The following WDR1 variants were observed in gnomAD, a reference collection of about 807,000 sequenced individuals.
WDR1 encodes WD repeat domain 1, also known as WD repeat-containing protein 1.
A neutral mutation model predicts 71.9 loss-of-function variants in WDR1; 21 were observed. The observed-to-expected ratio is 0.29, with a 90% CI of 0.21 to 0.42. The LOEUF (loss-of-function observed/expected upper bound fraction) is 0.42, where lower values mean the gene tolerates loss of function less well. WDR1 is among the 10% of genes least tolerant of loss of function. The pLI, the probability that WDR1 is intolerant of heterozygous loss-of-function variation, is 1.00. For synonymous variants in WDR1, 424 were observed against 347.4 expected, an observed-to-expected ratio of 1.22 and a Z score of -2.45; for missense variants, 696 against 824.5, an observed-to-expected ratio of 0.84 and a Z score of 1.91.
chr4:10,093,813 G>C (rs1391228642), intron 5 of WDR1, among the ~76,000 whole-genome samples: 24 of 152,250 alleles, frequency 1.6e-4, no homozygotes, highest in Admixed American at 1.3e-3. Flanking sequence ...GCATGGCCCA[G>C]GCAGCCACCA....
chr4:10,088,248 C>T lies in WDR1; in HGVS notation c.717+45G>A, dbSNP rs1182837827. 5.2e-6 allele frequency: 8 copies of T among 1,527,670 alleles called. No homozygotes were observed. In the South Asian group the frequency reaches 6.0e-5, roughly 11 times the overall value. 94.6% of individuals were successfully genotyped at this position (1,527,670 alleles called of 1,614,324 possible). Reference sequence around the variant, plus strand: ...GTGTGGATGGACTGACACGTGGACTCGGCCAAATTCCCACCACTAGGCCGG... The same window carrying T: ...GTGTGGATGGACTGACACGTGGACTTGGCCAAATTCCCACCACTAGGCCGG... On this transcript the variant is annotated intron_variant, in intron 7 of 14. Transcript: ENST00000499869.
intron 3 of WDR1, among the ~76,000 whole-genome samples, chr4:10,099,537 G>A (rs899506802): frequency 2.6e-5 from 4 of 152,364 alleles, no homozygotes; most frequent in African/African-American, 7.2e-5. Flanking sequence ...TCAGAATGAC[G>A]TGTGGGCCTC....
chr4:10,081,266 G>C (rs889670274), intron 11 of WDR1, 91 bp downstream of exon 11: 1 of 1,271,594 alleles, frequency 7.9e-7, no homozygotes, highest in Non-Finnish European at 1.1e-6. Context: ...ACACTGGCTA[G>C]AGCAACTGTC....
At chr4:10,091,359 G>A (rs1445711983) in intron 5 of WDR1, among the ~76,000 whole-genome samples, 1 of 152,196 alleles carries the variant, frequency 6.6e-6, no homozygotes, top group Non-Finnish European at 1.5e-5. Flanking sequence ...TCCCCAGAAG[G>A]CCCGATCCAC....
chr4:10,074,611 CAG>C lies in WDR1; in HGVS notation c.*765_*766del, dbSNP rs897362843. 37 of 152,720 alleles carry C rather than the reference CAG, an allele frequency of 2.4e-4. No individual in the cohort carries two copies. The highest frequency in any genetic ancestry group is 7.9e-4 in the African/African-American group (33 of 41,552). The allele number at this position is 152,720 out of a possible 1,614,324, so 9.5% of individuals were successfully genotyped here. On this transcript the variant is annotated 3_prime_UTR_variant, in exon 15 of 15. Coordinates refer to ENST00000499869, the MANE Select transcript of WDR1 (RefSeq NM_017491.5). ...CTCTTGAGAGCAGAAGAGGGAAAGA[CAG>C]GGGAACATCAAAGCATGATGGTGAA...
intron 14 of WDR1, 61 bp from the exon 15 acceptor site, chr4:10,075,545 G>A: frequency 1.4e-6 from 2 of 1,478,974 alleles, no homozygotes; most frequent in Non-Finnish European, 1.9e-6. Context: ...TGTACATCTT[G>A]GACTAGGAAG....
chr4:10,115,894 C>T, intron 2 of WDR1: 1 of 597,548 alleles, frequency 1.7e-6, no homozygotes, highest in South Asian at 2.1e-5. Flanking sequence ...CAGAAACGAA[C>T]TAAGACTCAG....
chr4:10,077,415 T>C lies in WDR1; in HGVS notation c.1603A>G (p.Ile535Val). ...TCTGGGGACCAGGCCAGGCAGACGA[T>C]TTTTGCATGGTGTCCATAAAAAACA... ...NNVFYGHHAKIVCLAWSPDNE... is the reference protein window; with the variant it reads ...NNVFYGHHAKVVCLAWSPDNE... Residue 535 changes from isoleucine to valine, a missense_variant, in exon 14 of 15, where the codon ATC becomes GTC. Coordinates refer to ENST00000499869, the MANE Select transcript of WDR1 (RefSeq NM_017491.5). 6.2e-7 allele frequency: 1 copy of C among 1,613,948 alleles called. No homozygotes were observed. The highest frequency in any genetic ancestry group is 8.5e-7 in the Non-Finnish European group (1 of 1,179,854).
At position 10,099,038 on chromosome 4, in the gene WDR1, T is replaced by A. The variant is rs1237904234; in HGVS notation, c.331A>T (p.Thr111Ser). The A allele has an allele frequency of 6.2e-7, 1 of 1,613,966 alleles. No individual in the cohort carries two copies. The highest frequency in any genetic ancestry group is 1.1e-5 in the South Asian group (1 of 91,082). Residue 111 changes from threonine (T) to serine (S), a missense_variant, in exon 4 of 15, where the codon ACT (threonine) becomes TCT (serine). Transcript: ENST00000499869. Reference protein sequence around the residue: ...FAGKIKDIAWTEDSKRIAVVG... With the variant: ...FAGKIKDIAWSEDSKRIAVVG... ...ACGGCGATCCTCTTACTGTCTTCAG[T>A]CCAAGCAATGTCTTTGATCTTCCCA... is the stretch of plus-strand genomic sequence containing the variant.
At chr4:10,079,557 T>A (rs1764936320) in intron 11 of WDR1, among the ~76,000 whole-genome samples, 2 of 152,250 alleles carry the variant, frequency 1.3e-5, no homozygotes, top group African/African-American at 4.8e-5. Context: ...CTCTGGTACA[T>A]GCAGCAGAGG....
chr4:10,074,764 T>C lies in WDR1; in HGVS notation c.*614A>G, dbSNP rs1764732912. On this transcript the variant is annotated 3_prime_UTR_variant, in exon 15 of 15. Transcript: ENST00000499869. ...AGATACATTAAAAAAAAAGGAAAGATACCCACAATTCCATTCTTAAAATCA... is the reference window on the plus strand; with the variant it reads ...AGATACATTAAAAAAAAAGGAAAGACACCCACAATTCCATTCTTAAAATCA... The C allele has an allele frequency of 6.6e-6, 1 of 152,268 alleles. No homozygotes were observed. The highest frequency in any genetic ancestry group is 1.5e-5 in the Non-Finnish European group (1 of 68,068). 9.4% of individuals were successfully genotyped at this position (152,268 alleles called of 1,614,324 possible). A position where few individuals can be genotyped will look rare whatever the true frequency, so the allele number is the denominator to read the frequency against.
At chr4:10,082,872 C>T in intron 10 of WDR1, 150 bp downstream of exon 10, 2 of 1,077,500 alleles carry the variant, frequency 1.9e-6, no homozygotes, top group Non-Finnish European at 2.6e-6. Flanking sequence ...GGCTCAGGGC[C>T]CAACAACAGG....
At chr4:10,097,580 G>A (rs1712420298) in intron 5 of WDR1, 131 bp downstream of exon 5, 2 of 1,118,562 alleles carry the variant, frequency 1.8e-6, no homozygotes, top group Admixed American at 2.7e-5. Context: ...ACACCCCTGG[G>A]AGCCCACTTC....
intron 5 of WDR1, chr4:10,096,636 T>G (rs1712367240): frequency 6.6e-6 from 1 of 152,300 alleles, no homozygotes; most frequent in Admixed American, 6.5e-5. Context: ...CTGCTCACTT[T>G]GTGGGTCCCG....
At chr4:10,106,666 T>A (rs1713037188) in intron 2 of WDR1, 2 of 152,204 alleles carry the variant, frequency 1.3e-5, no homozygotes, top group African/African-American at 4.8e-5. Flanking sequence ...CCCTAAATGG[T>A]CAGGGCTGTG....
chr4:10,114,992 C>T (rs1191321472), intron 2 of WDR1, among the ~76,000 whole-genome samples: 1 of 152,270 alleles, frequency 6.6e-6, no homozygotes, highest in African/African-American at 2.4e-5. Flanking sequence ...CCAGAGACCC[C>T]TTCATTCCCT....
intron 14 of WDR1, 148 bp downstream of exon 14, chr4:10,077,156 A>C: frequency 8.7e-7 from 1 of 1,155,516 alleles, no homozygotes; most frequent in Non-Finnish European, 1.2e-6. Context: ...GCTGGATGGA[A>C]GGAGACCCAC....
At chr4:10,076,653 GGGGT>G (rs1274225519) in intron 14 of WDR1, 1 of 152,310 alleles carries the variant, frequency 6.6e-6, no homozygotes. Context: ...ATGGGCTCTG[GGGGT>G]GGGCTCAGAC....
At chr4:10,075,541 T>C in intron 14 of WDR1, 57 bp from the exon 15 acceptor site, 1 of 1,509,310 alleles carries the variant, frequency 6.6e-7, no homozygotes, top group South Asian at 1.2e-5. Flanking sequence ...ACTATGTACA[T>C]CTTGGACTAG....
Sources: allele counts gnomAD v4.1 joint callset (sites outside exome capture counted in the v4.1 genomes callset), GRCh38; gene constraint gnomAD v4.1.1; transcripts MANE v1.5; gene names NCBI Gene and HGNC (gene_info 2026-07-23, HGNC 2026-07-21).